Variants in ADGRE3 observed in about 807,000 individuals in gnomAD.
The protein encoded by ADGRE3 is EGF-like module receptor 3.
ADGRE3 carries 88 observed loss-of-function variants against 80.1 expected under a neutral mutation model. The ratio of observed to expected loss-of-function variants is 1.10; its 90% CI spans 0.93 to 1.31. The LOEUF (loss-of-function observed/expected upper bound fraction) is 1.31, where lower values mean the gene tolerates loss of function less well. ADGRE3 is among the 40% of genes most tolerant of loss of function. ADGRE3 has a pLI of 0.00. For synonymous variants in ADGRE3, 281 were observed against 294.8 expected, an observed-to-expected ratio of 0.95 and a Z score of 0.48; for missense variants, 715 against 776.5, an observed-to-expected ratio of 0.92 and a Z score of 0.94.
intron 5 of ADGRE3, among the ~76,000 whole-genome samples, chr19:14,657,684 A>G (rs1248225124): frequency 1.3e-5 from 2 of 151,750 alleles, no homozygotes; most frequent in Non-Finnish European, 2.9e-5. Flanking sequence ...CACTCATGAA[A>G]AGTCAGTCCT....
chr19:14,606,374 CA>C, the ADGRE3 span, among the ~76,000 whole-genome samples: 11,784 of 94,704 alleles, frequency 0.12, 441 homozygotes, highest in Admixed American at 0.18. Context: ...GACCCTGTCT[CA>C]AAAAAAAAAA....
chr19:14,655,041 A>C lies in ADGRE3; in HGVS notation c.518T>G (p.Leu173Arg), dbSNP rs749303884. The C allele has an allele frequency of 1.9e-6, 3 of 1,614,082 alleles. No homozygotes were observed. In the Admixed American group the frequency reaches 5.0e-5, roughly 27 times the overall value. The change falls in exon 6 of 16, where the codon CTA becomes CGA. Residue 173 changes from leucine to arginine, a missense_variant. Transcript: ENST00000253673. ...TILRDVESKV[L>R]ETALKDPEQK... is the part of the protein sequence containing the mutation. ...TTCTGGATCTTTCAAGGCAGTTTCTAGAACTTTCGATTCCACATCCCGGAG... is the reference window on the plus strand; with the variant it reads ...TTCTGGATCTTTCAAGGCAGTTTCTCGAACTTTCGATTCCACATCCCGGAG...
downstream of ADGRE3, among the ~76,000 whole-genome samples, chr19:14,615,290 T>C (rs116074290): frequency 8.3e-3 from 1,139 of 137,492 alleles, 16 homozygotes; most frequent in African/African-American, 0.03. Context: ...TCACTGCAAC[T>C]TCCATCTCCC....
chr19:14,659,822 G>GGAAAAAAAAA (rs576784578), intron 4 of ADGRE3, among the ~76,000 whole-genome samples: 1 of 44,840 alleles, frequency 2.2e-5, no homozygotes. Flanking sequence ...CTCTGCCTCT[G>GGAAAAAAAAA]AAAAAAAAAA....
chr19:14,629,625 C>A (rs1180541822), intron 14 of ADGRE3, among the ~76,000 whole-genome samples: 2 of 152,048 alleles, frequency 1.3e-5, no homozygotes, highest in African/African-American at 4.8e-5. Flanking sequence ...AAGGAGCAGG[C>A]CTAAATCTGA....
At chr19:14,636,080 C>CTTT (rs1568481116) in intron 11 of ADGRE3, among the ~76,000 whole-genome samples, 1,931 of 42,662 alleles carry the variant, frequency 0.045, 201 homozygotes, top group East Asian at 0.051. Flanking sequence ...CCTTTCCTTT[C>CTTT]CCTTTCTTTC....
chr19:14,671,191 A>C (rs1184354571), intron 1 of ADGRE3, among the ~76,000 whole-genome samples: 1 of 152,208 alleles, frequency 6.6e-6, no homozygotes, highest in Non-Finnish European at 1.5e-5. Context: ...ACAAATTACC[A>C]TGACTGTAGT....
intron 2 of ADGRE3, among the ~76,000 whole-genome samples, chr19:14,667,604 A>C: frequency 6.6e-6 from 1 of 151,468 alleles, no homozygotes; most frequent in Non-Finnish European, 1.5e-5. Context: ...AAAACCAAAC[A>C]CCGCATGTTC....
rs1972351450 is a variant in ADGRE3 at position 14,674,807 on chromosome 19, G to T, written c.-37C>A. ...GGGTATCCCACGCCAGCCAGCCCTG[G>T]AAGCTCTCTACTGTGCCGTAAGCCA... On this transcript the variant is annotated 5_prime_UTR_variant, in exon 1 of 16. Coordinates refer to ENST00000253673, the MANE Select transcript of ADGRE3 (RefSeq NM_032571.5). 1.2e-6 allele frequency: 2 copies of T among 1,612,290 alleles called. No homozygotes were observed.
Position 14,668,592 on chromosome 19 carries a change from C to G in ADGRE3, c.76+210G>C, listed in dbSNP as rs374654153. On this transcript the variant is annotated intron_variant, in intron 2 of 15. Transcript: ENST00000253673. ...ACTCACTGTGGTTAGCAAAAACAGA[C>G]AAATTAAAAATCAAACAAAACGATA... 21 of 545,808 alleles carry G rather than the reference C, an allele frequency of 3.8e-5. No individual in the cohort carries two copies. In the East Asian group the frequency reaches 4.4e-4, roughly 11 times the overall value. The allele number at this position is 545,808 out of a possible 1,614,324, so 33.8% of individuals were successfully genotyped here.
chr19:14,633,196 G>C lies in ADGRE3; in HGVS notation c.1551+40C>G, dbSNP rs781299547. 6 of 1,565,982 alleles carry C rather than the reference G, an allele frequency of 3.8e-6. No homozygotes were observed. In the South Asian group the frequency reaches 6.7e-5, roughly 18 times the overall value. ...CCATCTTGTACCCAGCACTTCTCTT[G>C]GTTCTTCCTAGTTTGGGAACATCGA... On this transcript the variant is annotated intron_variant, in intron 12 of 15. Coordinates refer to ENST00000253673, the MANE Select transcript of ADGRE3 (RefSeq NM_032571.5).
At chr19:14,607,353 A>C in the ADGRE3 span, among the ~76,000 whole-genome samples, 3 of 145,616 alleles carry the variant, frequency 2.1e-5, no homozygotes, top group African/African-American at 7.4e-5. Flanking sequence ...ACAGGTGCCC[A>C]TCACCATGCC....
At chr19:14,650,978 GA>G in intron 7 of ADGRE3, 106 bp downstream of exon 7, 1 of 1,098,624 alleles carries the variant, frequency 9.1e-7, no homozygotes, top group Non-Finnish European at 1.3e-6. Flanking sequence ...ATCGTAGTTT[GA>G]GGGTAAAAAG....
chr19:14,606,585 C>T, the ADGRE3 span, among the ~76,000 whole-genome samples: 1 of 149,678 alleles, frequency 6.7e-6, no homozygotes, highest in Non-Finnish European at 1.5e-5. Context: ...GAGGTTGAGG[C>T]GGGAGAATCG....
At chr19:14,631,597 T>G (rs939484389) in intron 13 of ADGRE3, among the ~76,000 whole-genome samples, 1 of 151,580 alleles carries the variant, frequency 6.6e-6, no homozygotes, top group Admixed American at 6.6e-5. Flanking sequence ...ATATACATTG[T>G]GTTATATATG....
intron 15 of ADGRE3, among the ~76,000 whole-genome samples, chr19:14,625,215 G>T (rs967275156): frequency 3.3e-5 from 5 of 152,046 alleles, no homozygotes. Flanking sequence ...CCTGACCTCA[G>T]GTGATGCACC....
At chr19:14,613,082 T>A in the ADGRE3 span, among the ~76,000 whole-genome samples, 1 of 151,940 alleles carries the variant, frequency 6.6e-6, no homozygotes, top group Non-Finnish European at 1.5e-5. Flanking sequence ...CGTGCCACCA[T>A]GCCTGGCTAA....
rs1388784134 is a variant in ADGRE3, at chr19:14,653,945, G to GTT, written c.577+1035_577+1036dup. 6.8e-3 allele frequency among the ~76,000 whole-genome samples: 356 copies of GTT among 52,064 alleles called. 4 individuals are homozygous for GTT. The highest frequency in any genetic ancestry group is 0.026 in the African/African-American group (340 of 13,108). The allele number at this position is 52,064 out of a possible 152,430, so 34.2% of individuals were successfully genotyped here. On this transcript the variant is annotated intron_variant, in intron 6 of 15. Transcript: ENST00000253673. Reference sequence around the variant, plus strand: ...CTTTTTCAAAGCCTGCTGTGTGTGTGTTTTTTTTTTTTTTTTTTTTAATTT... The same window carrying GTT: ...CTTTTTCAAAGCCTGCTGTGTGTGTGTTTTTTTTTTTTTTTTTTTTTTAATTT...
At chr19:14,659,048 T>G (rs1971860317) in intron 4 of ADGRE3, among the ~76,000 whole-genome samples, 1 of 151,432 alleles carries the variant, frequency 6.6e-6, no homozygotes, top group African/African-American at 2.4e-5. Context: ...TTTCCCTTTT[T>G]TTTTTTAGAT....
Sources: gnomAD v4.1 joint callset for allele counts (sites outside exome capture counted in the v4.1 genomes callset) on GRCh38, gnomAD v4.1.1 for gene constraint, MANE v1.5 for transcripts, NCBI Gene and HGNC (gene_info 2026-07-23, HGNC 2026-07-21) for gene names.